RBFOX1: variants seen among roughly 807,000 people sequenced by gnomAD.
RBFOX1 encodes RNA binding protein fox-1 homolog 1.
RBFOX1 carries 8 observed loss-of-function variants against 57.7 expected under a neutral mutation model. The observed-to-expected ratio is 0.14, with a 90% CI of 0.08 to 0.25. The LOEUF (loss-of-function observed/expected upper bound fraction) is 0.25, where lower values mean the gene tolerates loss of function less well. Ranked by LOEUF, RBFOX1 falls within the 10% of genes least tolerant of loss-of-function variation. RBFOX1 has a pLI of 1.00. For synonymous variants in RBFOX1, 326 were observed against 222.4 expected, an observed-to-expected ratio of 1.47 and a Z score of -4.15; for missense variants, 611 against 548.5, an observed-to-expected ratio of 1.11 and a Z score of -1.14.
At chr16:6,667,899 A>T (rs777302683) in intron 3 of RBFOX1, among the ~76,000 whole-genome samples, 66 of 151,928 alleles carry the variant, frequency 4.3e-4, no homozygotes, top group Non-Finnish European at 8.2e-4. Flanking sequence ...TAAAAAACTA[A>T]AGAAAAAAAA....
intron 4 of RBFOX1, among the ~76,000 whole-genome samples, chr16:7,266,315 C>G (rs1046015050): frequency 1.3e-5 from 2 of 152,000 alleles, no homozygotes; most frequent in African/African-American, 4.8e-5. Flanking sequence ...GCACCTTCCC[C>G]CACGCTCTCG....
At chr16:5,419,118 TGTGGAAG>T (rs2067241279) in intron 1 of RBFOX1, among the ~76,000 whole-genome samples, 1 of 152,182 alleles carries the variant, frequency 6.6e-6, no homozygotes, top group African/African-American at 2.4e-5. Flanking sequence ...TGTTCCCTGG[TGTGGAAG>T]GCTGGATTTC....
At chr16:6,711,563 A>G (rs1278117790) in intron 3 of RBFOX1, among the ~76,000 whole-genome samples, 10 of 151,714 alleles carry the variant, frequency 6.6e-5, no homozygotes. Context: ...TTCTGCCCTC[A>G]CTCTCTGTCT....
chr16:7,201,367 G>T (rs2088393749), intron 4 of RBFOX1, among the ~76,000 whole-genome samples: 1 of 152,230 alleles, frequency 6.6e-6, no homozygotes, highest in African/African-American at 2.4e-5. Context: ...CCTATTGTGG[G>T]CTATGTTAAG....
intron 3 of RBFOX1, among the ~76,000 whole-genome samples, chr16:5,781,268 C>T (rs906893911): frequency 2.6e-5 from 4 of 152,148 alleles, no homozygotes; most frequent in African/African-American, 9.7e-5. Flanking sequence ...TGGAATTGTA[C>T]AGTTTCAATT....
chr16:6,773,302 A>C (rs1227935984), intron 3 of RBFOX1, among the ~76,000 whole-genome samples: 2 of 107,914 alleles, frequency 1.9e-5, no homozygotes, highest in Admixed American at 1.0e-4. Flanking sequence ...TGTGGGGTGC[A>C]TTTGTGTGTT....
At chr16:7,019,732 T>TATAATGAGTAGATTGGCC (rs2094110853) in intron 3 of RBFOX1, among the ~76,000 whole-genome samples, 1 of 152,218 alleles carries the variant, frequency 6.6e-6, no homozygotes, top group South Asian at 2.1e-4. Context: ...AAGCTTGGTT[T>TATAATGAGTAGATTGGCC]CAAACACTGC....
At chr16:6,540,640 C>A (rs1354531593) in intron 2 of RBFOX1, among the ~76,000 whole-genome samples, 3 of 138,714 alleles carry the variant, frequency 2.2e-5, no homozygotes, top group Admixed American at 7.3e-5. Context: ...AAAAAAAAAC[C>A]TCAAGTCAGT....
intron 1 of RBFOX1, among the ~76,000 whole-genome samples, chr16:5,266,558 T>TTG: frequency 6.7e-6 from 1 of 150,112 alleles, no homozygotes; most frequent in Admixed American, 6.6e-5. Context: ...GTTTTTTTTT[T>TTG]TTTTTTTGAG....
chr16:6,057,686 A>G (rs777622510), intron 1 of RBFOX1, among the ~76,000 whole-genome samples: 1 of 152,186 alleles, frequency 6.6e-6, no homozygotes, highest in Non-Finnish European at 1.5e-5. Flanking sequence ...ATGAGAGTTT[A>G]GAATGCTTGA....
chr16:7,584,324 G>A (rs570467971), intron 6 of RBFOX1, among the ~76,000 whole-genome samples: 203 of 152,144 alleles, frequency 1.3e-3, no homozygotes, highest in Admixed American at 2.4e-3. Flanking sequence ...ATAGAGTCTC[G>A]CTCTGTCACC....
chr16:5,697,791 C>T (rs1215113465), intron 3 of RBFOX1, among the ~76,000 whole-genome samples: 1 of 152,078 alleles, frequency 6.6e-6, no homozygotes, highest in Non-Finnish European at 1.5e-5. Flanking sequence ...CTCAGCCTCC[C>T]AAAGTGGGGT....
intron 4 of RBFOX1, among the ~76,000 whole-genome samples, chr16:5,994,746 C>T (rs1464649424): frequency 1.3e-5 from 2 of 152,132 alleles, no homozygotes; most frequent in East Asian, 1.9e-4. Context: ...GGCCCATGGG[C>T]AGTAGTTTGA....
At chr16:7,609,332 T>G (rs969977469) in intron 10 of RBFOX1, among the ~76,000 whole-genome samples, 2 of 152,196 alleles carry the variant, frequency 1.3e-5, no homozygotes, top group Non-Finnish European at 2.9e-5. Context: ...CAGTCACCCT[T>G]GGGTCTATTA....
At chr16:6,859,108 A>AGTGT (rs1177105864) in intron 3 of RBFOX1, among the ~76,000 whole-genome samples, 4 of 50,228 alleles carry the variant, frequency 8.0e-5, no homozygotes, top group Admixed American at 5.0e-4. Context: ...TCCTAAAAAA[A>AGTGT]GTGTATATAT....
intron 4 of RBFOX1, among the ~76,000 whole-genome samples, chr16:7,093,330 C>T (rs2061170961): frequency 6.6e-6 from 1 of 152,186 alleles, no homozygotes; most frequent in South Asian, 2.1e-4. Flanking sequence ...TTGTCTGTGT[C>T]ACCAGGAGAT....
chr16:5,283,466 C>G (rs116700373), intron 1 of RBFOX1, among the ~76,000 whole-genome samples: 1,798 of 152,212 alleles, frequency 0.012, 35 homozygotes, highest in African/African-American at 0.041. Flanking sequence ...CCCCTCCTTT[C>G]ACCTCCTGGT....
intron 2 of RBFOX1, among the ~76,000 whole-genome samples, chr16:6,478,429 ATTTTTTTTTTTT>A (rs58352204): frequency 3.7e-4 from 9 of 24,616 alleles, no homozygotes; most frequent in African/African-American, 1.1e-3. Flanking sequence ...ATATATATAT[ATTTTTTTTTTTT>A]TTTTTTGTAT....
At chr16:6,778,231 AT>A (rs2079726107) in intron 3 of RBFOX1, among the ~76,000 whole-genome samples, 1 of 152,174 alleles carries the variant, frequency 6.6e-6, no homozygotes, top group Admixed American at 6.5e-5. Context: ...AAATTAAAAC[AT>A]TAATTTCATC....
Sources: gnomAD v4.1 joint callset for allele counts (sites outside exome capture counted in the v4.1 genomes callset) on GRCh38, gnomAD v4.1.1 for gene constraint, MANE v1.5 for transcripts, NCBI Gene and HGNC (gene_info 2026-07-23, HGNC 2026-07-21) for gene names.